Variants in TBCK observed in about 807,000 individuals in gnomAD.
TBCK encodes the protein TBC domain-containing protein kinase-like protein.
Under a neutral mutation model 113.4 loss-of-function variants are expected in TBCK, and 99 were observed. That is an observed-to-expected ratio of 0.87 (90% CI 0.74 to 1.03). The LOEUF is 1.03. Ranked by LOEUF, TBCK falls within the 50% of genes least tolerant of loss-of-function variation. TBCK has a pLI of 0.00. For missense variants in TBCK, 1,045 were observed against 1,061.3 expected (o/e 0.98, Z 0.21); for synonymous variants, 369 against 370.8 (o/e 1.00, Z 0.05).
chr4:106,078,775 T>G (rs1738520905), intron 25 of TBCK, among the ~76,000 whole-genome samples: 1 of 150,736 alleles, frequency 6.6e-6, no homozygotes, highest in African/African-American at 2.4e-5. Context: ...GAGATTCTTC[T>G]GCAGCTCATT....
intron 20 of TBCK, among the ~76,000 whole-genome samples, chr4:106,210,012 G>A (rs1325111048): frequency 6.6e-6 from 1 of 151,832 alleles, no homozygotes; most frequent in Non-Finnish European, 1.5e-5. Context: ...TTCTTTTCAG[G>A]ATTACCATTA....
At chr4:106,066,383 A>G (rs1470726725) in intron 25 of TBCK, among the ~76,000 whole-genome samples, 4 of 152,014 alleles carry the variant, frequency 2.6e-5, no homozygotes, top group African/African-American at 7.2e-5. Flanking sequence ...TCAGAGGTTA[A>G]AAAAGACCTC....
At chr4:106,190,337 T>C (rs1157660719) in intron 22 of TBCK, among the ~76,000 whole-genome samples, 1 of 152,236 alleles carries the variant, frequency 6.6e-6, no homozygotes, top group Admixed American at 6.5e-5. Flanking sequence ...TAACTAAATT[T>C]ACTTGGCAGC....
chr4:106,214,596 A>G (rs558316845), intron 19 of TBCK, among the ~76,000 whole-genome samples: 3 of 152,344 alleles, frequency 2.0e-5, no homozygotes, highest in South Asian at 4.1e-4. Context: ...GATGCGATCA[A>G]CTGGAAGAAA....
chr4:106,294,251 C>T (rs1426841017), intron 3 of TBCK, among the ~76,000 whole-genome samples: 3 of 150,140 alleles, frequency 2.0e-5, no homozygotes, highest in South Asian at 2.1e-4. Context: ...AGTGCAGTGG[C>T]GCATCGCGGC....
intron 4 of TBCK, among the ~76,000 whole-genome samples, chr4:106,260,972 AATC>A (rs1176736670): frequency 6.6e-6 from 1 of 152,040 alleles, no homozygotes; most frequent in Non-Finnish European, 1.5e-5. Flanking sequence ...TCAGTTCAAA[AATC>A]ATCAAGATTT....
intron 2 of TBCK, among the ~76,000 whole-genome samples, chr4:106,301,303 A>C (rs2125870162): frequency 6.6e-6 from 1 of 152,198 alleles, no homozygotes; most frequent in Non-Finnish European, 1.5e-5. Flanking sequence ...TTTCAAATAA[A>C]ATAATTTTTA....
chr4:106,264,977 C>A lies in TBCK; in HGVS notation c.267-2765G>T, dbSNP rs561076767. On this transcript the variant is annotated intron_variant, in intron 3 of 25. Coordinates refer to ENST00000394708, the MANE Select transcript of TBCK (RefSeq NM_001163435.3). ...AGTCTGTTTCCAACTTTGTTGCAGA[C>A]ATCCTGTCACTCTTCCCTGGGAAGT... Among the ~76,000 whole-genome samples the A allele has an allele frequency of 5.3e-5, 8 of 152,012 alleles. No individual in the cohort carries two copies. In the South Asian group the frequency reaches 1.7e-3, roughly 32 times the overall value.
chr4:106,132,636 C>T (rs1349358731), intron 23 of TBCK, among the ~76,000 whole-genome samples: 2 of 152,194 alleles, frequency 1.3e-5, no homozygotes, highest in East Asian at 3.9e-4. Flanking sequence ...TGAGAGCTTG[C>T]ACTGTGAGCC....
At chr4:106,093,527 G>A (rs1282897031) in intron 25 of TBCK, among the ~76,000 whole-genome samples, 1 of 152,120 alleles carries the variant, frequency 6.6e-6, no homozygotes, top group African/African-American at 2.4e-5. Context: ...CAAACAAAAA[G>A]TTAATGCTGC....
intron 25 of TBCK, among the ~76,000 whole-genome samples, chr4:106,058,284 A>C (rs1017453598): frequency 1.3e-5 from 2 of 151,756 alleles, no homozygotes; most frequent in Non-Finnish European, 3.0e-5. Context: ...AGAAAGCCTG[A>C]AAAAGGGAGT....
At chr4:106,253,182 C>A (rs1291764383) in intron 5 of TBCK, among the ~76,000 whole-genome samples, 1 of 150,372 alleles carries the variant, frequency 6.7e-6, no homozygotes, top group African/African-American at 2.5e-5. Context: ...ATGTTTGTAT[C>A]CCTAAAAAAT....
chr4:106,219,218 T>G lies in TBCK; in HGVS notation c.1775-6383A>C, dbSNP rs1416632871. Among the ~76,000 whole-genome samples the G allele has an allele frequency of 1.1e-3, 105 of 99,134 alleles. 1 individual carries two copies. The highest frequency in any genetic ancestry group is 3.4e-3 in the African/African-American group (81 of 23,942). The allele number at this position is 99,134 out of a possible 152,430, so 65.0% of individuals were successfully genotyped here. A position where few individuals can be genotyped will look rare whatever the true frequency, so the allele number is the denominator to read the frequency against. ...GGGAACATCACACTCTGGGGCCTGT[T>G]GTGGGGTGGGGGGAGGGGGGAGGGA... On this transcript the variant is annotated intron_variant, in intron 19 of 25. Coordinates refer to ENST00000394708, the MANE Select transcript of TBCK (RefSeq NM_001163435.3).
chr4:106,307,540 A>T (rs2125889985), intron 2 of TBCK, among the ~76,000 whole-genome samples: 1 of 152,270 alleles, frequency 6.6e-6, no homozygotes, highest in East Asian at 1.9e-4. Context: ...TTTTCAGCAA[A>T]ACAGTAAAGA....
chr4:106,204,613 T>C (rs1177774969), intron 20 of TBCK, among the ~76,000 whole-genome samples: 1 of 152,254 alleles, frequency 6.6e-6, no homozygotes, highest in East Asian at 1.9e-4. Flanking sequence ...TGAAATAAAA[T>C]GGAAGTAAGT....
intron 25 of TBCK, among the ~76,000 whole-genome samples, chr4:106,065,932 AG>A (rs1357099141): frequency 1.3e-5 from 2 of 152,028 alleles, no homozygotes; most frequent in African/African-American, 4.8e-5. Flanking sequence ...AAAAAATGGC[AG>A]ATTCCAAAGG....
intron 25 of TBCK, among the ~76,000 whole-genome samples, chr4:106,071,588 A>G (rs1737457450): frequency 6.6e-6 from 1 of 152,020 alleles, no homozygotes; most frequent in South Asian, 2.1e-4. Flanking sequence ...ATTTGGGCTG[A>G]AGAGTTCTGT....
chr4:106,247,393 G>C, intron 9 of TBCK, 106 bp from the exon 10 acceptor site: 1 of 1,010,744 alleles, frequency 9.9e-7, no homozygotes, highest in Non-Finnish European at 1.5e-6. Context: ...TACCTCATTA[G>C]CACAGAAAAT....
At chr4:106,267,905 A>G (rs968882047) in intron 3 of TBCK, among the ~76,000 whole-genome samples, 12 of 152,092 alleles carry the variant, frequency 7.9e-5, no homozygotes, top group African/African-American at 2.7e-4. Context: ...ATTCTTAAGC[A>G]GAATGGAAGA....
Sources: allele counts gnomAD v4.1 joint callset (sites outside exome capture counted in the v4.1 genomes callset), GRCh38; gene constraint gnomAD v4.1.1; transcripts MANE v1.5; gene names NCBI Gene and HGNC (gene_info 2026-07-23, HGNC 2026-07-21).